The following LRP1B variants were observed in gnomAD, a reference collection of about 807,000 sequenced individuals.
LRP1B encodes the protein low-density lipoprotein receptor-related protein 1B.
A neutral mutation model predicts 556.6 loss-of-function variants in LRP1B; 217 were observed. The ratio of observed to expected loss-of-function variants is 0.39; its 90% confidence interval spans 0.35 to 0.44. The LOEUF (loss-of-function observed/expected upper bound fraction) is 0.44, where lower values mean the gene tolerates loss of function less well. Ranked by LOEUF, LRP1B falls within the 20% of genes least tolerant of loss-of-function variation. The pLI is 1.00. For missense variants in LRP1B, 5,053 were observed against 5,620.8 expected (o/e 0.90, Z 3.23); for synonymous variants, 2,047 against 1,865.8 (o/e 1.10, Z -2.50).
chr2:141,090,225 AATCT>A (rs1227469805), intron 7 of LRP1B, among the ~76,000 whole-genome samples: 1 of 152,236 alleles, frequency 6.6e-6, no homozygotes. Flanking sequence ...CAAGAATAAT[AATCT>A]ATCAATTTAA....
chr2:141,991,294 A>G (rs1702336484), intron 1 of LRP1B, among the ~76,000 whole-genome samples: 1 of 151,944 alleles, frequency 6.6e-6, no homozygotes, highest in Admixed American at 6.6e-5. Context: ...TCTCTTCTAA[A>G]TTTCTCCAAC....
intron 7 of LRP1B, among the ~76,000 whole-genome samples, chr2:141,164,745 T>C (rs148091186): frequency 6.6e-6 from 1 of 152,004 alleles, no homozygotes; most frequent in Non-Finnish European, 1.5e-5. Context: ...AAATCCCCCA[T>C]AGTTCCATTG....
chr2:141,036,621 G>A (rs1698540124), intron 11 of LRP1B, among the ~76,000 whole-genome samples: 1 of 152,030 alleles, frequency 6.6e-6, no homozygotes, highest in Non-Finnish European at 1.5e-5. Flanking sequence ...TGAAGCAGAA[G>A]TAAAAGGCAA....
At chr2:140,319,329 G>A (rs1233927237) in intron 82 of LRP1B, among the ~76,000 whole-genome samples, 2 of 152,046 alleles carry the variant, frequency 1.3e-5, no homozygotes, top group African/African-American at 4.8e-5. Flanking sequence ...TTATTTCTGT[G>A]CATTATCCTA....
chr2:140,941,523 T>A (rs1695401944), intron 20 of LRP1B, among the ~76,000 whole-genome samples: 1 of 152,092 alleles, frequency 6.6e-6, no homozygotes, highest in Admixed American at 6.6e-5. Context: ...ACGAAAGACA[T>A]GAGAGCACCT....
intron 2 of LRP1B, among the ~76,000 whole-genome samples, chr2:141,603,999 T>C (rs1173249500): frequency 6.6e-6 from 1 of 152,216 alleles, no homozygotes; most frequent in East Asian, 1.9e-4. Flanking sequence ...TAAATCTTCC[T>C]AATTCTTCAC....
chr2:140,385,051 C>T (rs1263498308), intron 67 of LRP1B, among the ~76,000 whole-genome samples: 2 of 152,092 alleles, frequency 1.3e-5, no homozygotes, highest in African/African-American at 4.8e-5. Context: ...AGTTAGAGAT[C>T]AGCCTGCGCA....
At chr2:140,522,135 C>T (rs971233893) in intron 49 of LRP1B, among the ~76,000 whole-genome samples, 3 of 151,958 alleles carry the variant, frequency 2.0e-5, no homozygotes, top group African/African-American at 7.2e-5. Flanking sequence ...CATATACATT[C>T]TTCTCATCTG....
At chr2:142,109,484 G>A (rs1204610934) in intron 1 of LRP1B, among the ~76,000 whole-genome samples, 1 of 152,134 alleles carries the variant, frequency 6.6e-6, no homozygotes, top group Non-Finnish European at 1.5e-5. Context: ...AATTTACCAA[G>A]AAAATGTAAG....
intron 6 of LRP1B, among the ~76,000 whole-genome samples, chr2:141,214,586 A>G (rs1682712601): frequency 6.6e-6 from 1 of 152,194 alleles, no homozygotes; most frequent in Admixed American, 6.5e-5. Context: ...TCCTGTACTA[A>G]CATTAATTTA....
intron 1 of LRP1B, among the ~76,000 whole-genome samples, chr2:141,969,829 G>A (rs752240563): frequency 6.6e-6 from 1 of 151,280 alleles, no homozygotes; most frequent in African/African-American, 2.4e-5. Flanking sequence ...TTCTATTTTT[G>A]GTATTTTTAG....
chr2:141,658,487 C>A (rs753595878), intron 2 of LRP1B, among the ~76,000 whole-genome samples: 1 of 152,154 alleles, frequency 6.6e-6, no homozygotes, highest in African/African-American at 2.4e-5. Context: ...CAGCCCAGGT[C>A]TCCTTGTTGT....
chr2:140,378,611 GCTGGAGTT>G (rs1409390898), intron 67 of LRP1B, among the ~76,000 whole-genome samples: 1 of 152,070 alleles, frequency 6.6e-6, no homozygotes, highest in Non-Finnish European at 1.5e-5. Context: ...TTTTTTAGTT[GCTGGAGTT>G]CTATGTCATT....
chr2:141,560,625 G>A (rs1686113011), intron 2 of LRP1B, among the ~76,000 whole-genome samples: 1 of 151,568 alleles, frequency 6.6e-6, no homozygotes, highest in South Asian at 2.1e-4. Flanking sequence ...ATTCTCTAGG[G>A]AGAAAGGAAA....
At chr2:140,666,951 C>T (rs1685298831) in intron 41 of LRP1B, among the ~76,000 whole-genome samples, 1 of 152,202 alleles carries the variant, frequency 6.6e-6, no homozygotes. Flanking sequence ...TGCATTAAGG[C>T]ATAACATTTT....
At chr2:141,494,958 A>G (rs1395256288) in intron 2 of LRP1B, among the ~76,000 whole-genome samples, 1 of 151,962 alleles carries the variant, frequency 6.6e-6, no homozygotes, top group East Asian at 1.9e-4. Context: ...TTGAGATACT[A>G]CAGAAGAATT....
At chr2:142,093,289 C>A (rs890713163) in intron 1 of LRP1B, among the ~76,000 whole-genome samples, 2 of 152,004 alleles carry the variant, frequency 1.3e-5, no homozygotes, top group African/African-American at 4.8e-5. Context: ...ATTCCTAGTT[C>A]GCTGTTTTTT....
chr2:141,188,315 AG>A, intron 7 of LRP1B, 105 bp downstream of exon 7: 1 of 1,070,524 alleles, frequency 9.3e-7, no homozygotes. Flanking sequence ...ATTTCTAAAA[AG>A]TTTGAGTCTG....
intron 2 of LRP1B, among the ~76,000 whole-genome samples, chr2:141,654,565 G>T (rs1341195650): frequency 1.3e-5 from 2 of 151,938 alleles, no homozygotes; most frequent in African/African-American, 4.8e-5. Context: ...CTGCTCATCT[G>T]CTTGCTTCTT....
Sources: gnomAD v4.1 joint callset for allele counts (sites outside exome capture counted in the v4.1 genomes callset) on GRCh38, gnomAD v4.1.1 for gene constraint, MANE v1.5 for transcripts, NCBI Gene and HGNC (gene_info 2026-07-23, HGNC 2026-07-21) for gene names.